Variants in SDCCAG8 observed in about 807,000 individuals in gnomAD.
SDCCAG8 encodes SHH signaling and ciliogenesis regulator SDCCAG8.
A neutral mutation model predicts 101.8 loss-of-function variants in SDCCAG8; 74 were observed. The ratio of observed to expected loss-of-function variants is 0.73; its 90% CI spans 0.60 to 0.88. The LOEUF (loss-of-function observed/expected upper bound fraction) is 0.88. Ranked by LOEUF, SDCCAG8 falls within the 40% of genes least tolerant of loss-of-function variation. The probability of loss-of-function intolerance (pLI) is 0.00; values close to 1 mark genes in which losing one functional copy is unlikely to be tolerated. For synonymous variants in SDCCAG8, 281 were observed against 292.9 expected, an observed-to-expected ratio of 0.96 and a Z score of 0.41; for missense variants, 787 against 822.6, an observed-to-expected ratio of 0.96 and a Z score of 0.53.
chr1:243,484,744 C>T (rs960276040), intron 16 of SDCCAG8, among the ~76,000 whole-genome samples: 1 of 152,172 alleles, frequency 6.6e-6, no homozygotes, highest in Non-Finnish European at 1.5e-5. Flanking sequence ...TAAATCAGTA[C>T]TTGACCCTTA....
intron 4 of SDCCAG8, among the ~76,000 whole-genome samples, chr1:243,285,705 A>C (rs1348704134): frequency 6.6e-6 from 1 of 152,116 alleles, no homozygotes; most frequent in Non-Finnish European, 1.5e-5. Context: ...ACATCCTGTA[A>C]TTTTAATTGT....
At chr1:243,307,590 G>A in intron 7 of SDCCAG8, 2 of 984,670 alleles carry the variant, frequency 2.0e-6, no homozygotes, top group Non-Finnish European at 2.4e-6. Flanking sequence ...CTCACCTCAA[G>A]TATGTTGTCT....
intron 1 of SDCCAG8, among the ~76,000 whole-genome samples, chr1:243,268,694 A>G (rs566574838): frequency 1.1e-3 from 168 of 152,154 alleles, no homozygotes; most frequent in Middle Eastern, 0.01. Flanking sequence ...TTTTTTTTCT[A>G]TTAAGTACTA....
At chr1:243,484,074 C>T (rs1664305584) in intron 16 of SDCCAG8, among the ~76,000 whole-genome samples, 1 of 152,126 alleles carries the variant, frequency 6.6e-6, no homozygotes, top group South Asian at 2.1e-4. Context: ...CTGGTGGGTG[C>T]GTGTTCCACA....
At chr1:243,426,359 A>G in intron 15 of SDCCAG8, 68 bp from the exon 16 acceptor site, 2 of 1,316,292 alleles carry the variant, frequency 1.5e-6, no homozygotes, top group Non-Finnish European at 2.2e-6. Context: ...TGTTAAGGTT[A>G]TATAATAACA....
chr1:243,294,259 C>T (rs2070566840), intron 6 of SDCCAG8, among the ~76,000 whole-genome samples: 1 of 152,082 alleles, frequency 6.6e-6, no homozygotes, highest in African/African-American at 2.4e-5. Context: ...TCTTTAACTC[C>T]TTCTTTTCTA....
At chr1:243,392,244 A>G (rs1441561223) in intron 13 of SDCCAG8, among the ~76,000 whole-genome samples, 1 of 152,240 alleles carries the variant, frequency 6.6e-6, no homozygotes, top group Non-Finnish European at 1.5e-5. Flanking sequence ...TGATCCGTCT[A>G]GAAAACTTTA....
At chr1:243,327,526 T>C (rs982847430) in intron 9 of SDCCAG8, among the ~76,000 whole-genome samples, 1 of 150,582 alleles carries the variant, frequency 6.6e-6, no homozygotes, top group Non-Finnish European at 1.5e-5. Context: ...AAAATTATAA[T>C]TTATAATTTT....
chr1:243,447,871 C>T (rs1189409357), intron 16 of SDCCAG8, among the ~76,000 whole-genome samples: 1 of 152,004 alleles, frequency 6.6e-6, no homozygotes, highest in Non-Finnish European at 1.5e-5. Context: ...TACAAACTTC[C>T]CTGTGGGGTG....
At chr1:243,341,713 T>C (rs1003275171) in intron 11 of SDCCAG8, among the ~76,000 whole-genome samples, 10 of 152,222 alleles carry the variant, frequency 6.6e-5, no homozygotes, top group Non-Finnish European at 1.5e-4. Flanking sequence ...TTTAAAATAC[T>C]ACATTGTCTG....
At chr1:243,346,712 C>A (rs994800989) in intron 12 of SDCCAG8, among the ~76,000 whole-genome samples, 14 of 152,176 alleles carry the variant, frequency 9.2e-5, no homozygotes, top group Non-Finnish European at 4.4e-5. Flanking sequence ...GCGGATTATC[C>A]TTCCCATCAA....
chr1:243,386,720 T>C (rs772802491), intron 13 of SDCCAG8, among the ~76,000 whole-genome samples: 2 of 151,242 alleles, frequency 1.3e-5, no homozygotes, highest in African/African-American at 2.4e-5. Context: ...GCCACTGCAC[T>C]CCAGCCTGGG....
At chr1:243,302,975 C>T (rs956553527) in intron 6 of SDCCAG8, among the ~76,000 whole-genome samples, 2 of 152,162 alleles carry the variant, frequency 1.3e-5, no homozygotes, top group Non-Finnish European at 2.9e-5. Flanking sequence ...AAAACTTTGT[C>T]CAAATGTGGT....
intron 12 of SDCCAG8, among the ~76,000 whole-genome samples, chr1:243,351,657 A>G (rs77240535): frequency 0.029 from 4,361 of 152,332 alleles, 95 homozygotes; most frequent in Middle Eastern, 0.082. Context: ...AAAATTCTTC[A>G]GCCTAACATA....
chr1:243,455,391 T>G (rs1312837613), intron 16 of SDCCAG8, among the ~76,000 whole-genome samples: 1 of 152,188 alleles, frequency 6.6e-6, no homozygotes, highest in African/African-American at 2.4e-5. Context: ...TGCCTCAGCC[T>G]CCCAAGTAGC....
intron 16 of SDCCAG8, among the ~76,000 whole-genome samples, chr1:243,431,834 C>CG (rs958889540): frequency 1.6e-4 from 25 of 151,974 alleles, no homozygotes; most frequent in Non-Finnish European, 3.4e-4. Context: ...CCAGTAATCC[C>CG]GGGGGTTTCG....
At chr1:243,308,780 T>G (rs943095081) in intron 8 of SDCCAG8, among the ~76,000 whole-genome samples, 28 of 152,246 alleles carry the variant, frequency 1.8e-4, no homozygotes, top group African/African-American at 6.5e-4. Flanking sequence ...TTTTCACTAT[T>G]CCAGAGGAGG....
chr1:243,394,893 GTATCAAAC>G (rs2078944286), intron 13 of SDCCAG8, among the ~76,000 whole-genome samples: 1 of 151,730 alleles, frequency 6.6e-6, no homozygotes, highest in African/African-American at 2.4e-5. Context: ...TCAGGTGTTA[GTATCAAAC>G]TATCTAAACT....
At chr1:243,307,335 A>C in intron 7 of SDCCAG8, 1 of 957,796 alleles carries the variant, frequency 1.0e-6, no homozygotes, top group South Asian at 4.8e-5. Context: ...GCTAATAGCT[A>C]CTACCCCTGA....
Sources: gnomAD v4.1 joint callset for allele counts (sites outside exome capture counted in the v4.1 genomes callset) on GRCh38, gnomAD v4.1.1 for gene constraint, MANE v1.5 for transcripts, NCBI Gene and HGNC (gene_info 2026-07-23, HGNC 2026-07-21) for gene names.